The following PKNOX2 variants were observed in gnomAD, a reference collection of about 807,000 sequenced individuals.
The protein encoded by PKNOX2 is homeobox protein PKNOX2.
PKNOX2 carries 14 observed loss-of-function variants against 53.1 expected under a neutral mutation model. The observed-to-expected ratio is 0.26, with a 90% CI of 0.17 to 0.41. The LOEUF (loss-of-function observed/expected upper bound fraction) is 0.41. PKNOX2 is among the 10% of genes least tolerant of loss of function. The pLI, the probability that PKNOX2 is intolerant of heterozygous loss-of-function variation, is 1.00. For missense variants in PKNOX2, 496 were observed against 602.8 expected, an observed-to-expected ratio of 0.82 and a Z score of 1.85; for synonymous variants, 257 against 242.8, an observed-to-expected ratio of 1.06 and a Z score of -0.54.
At chr11:125,270,318 G>A (rs948308647) in intron 2 of PKNOX2, among the ~76,000 whole-genome samples, 3 of 152,198 alleles carry the variant, frequency 2.0e-5, no homozygotes, top group African/African-American at 7.2e-5. Flanking sequence ...CCCTCTGCAG[G>A]TGGGTGAATG....
chr11:125,346,817 G>A (rs988818920), intron 3 of PKNOX2, among the ~76,000 whole-genome samples: 1 of 127,624 alleles, frequency 7.8e-6, no homozygotes, highest in African/African-American at 4.3e-5. Flanking sequence ...GAGGATGGAA[G>A]GGGGGAAGGA....
chr11:125,245,869 G>A (rs1453864524), intron 2 of PKNOX2, among the ~76,000 whole-genome samples: 4 of 152,242 alleles, frequency 2.6e-5, no homozygotes, highest in African/African-American at 9.6e-5. Context: ...TACTGGGAGG[G>A]AAGTGATGCC....
intron 6 of PKNOX2, among the ~76,000 whole-genome samples, chr11:125,386,809 C>T (rs930583665): frequency 2.0e-5 from 3 of 151,746 alleles, no homozygotes; most frequent in Admixed American, 2.0e-4. Context: ...GAATTATCCA[C>T]ACCACCGCTT....
At chr11:125,229,668 T>A (rs532806448) in intron 1 of PKNOX2, among the ~76,000 whole-genome samples, 14 of 151,556 alleles carry the variant, frequency 9.2e-5, no homozygotes, top group Non-Finnish European at 1.5e-4. Flanking sequence ...ACAAGGAGAG[T>A]TGGGTTAATG....
intron 2 of PKNOX2, chr11:125,239,549 CT>C (rs1204525714): frequency 6.6e-6 from 1 of 152,220 alleles, no homozygotes; most frequent in Non-Finnish European, 1.5e-5. Flanking sequence ...ATGTGAAACA[CT>C]TTGGATCTTC....
chr11:125,353,214 G>T (rs908443996), intron 4 of PKNOX2, among the ~76,000 whole-genome samples: 3 of 152,154 alleles, frequency 2.0e-5, no homozygotes, highest in Admixed American at 2.0e-4. Context: ...AGCTGCCAAG[G>T]CCCACACCTC....
At chr11:125,346,211 G>A (rs1950962722) in intron 3 of PKNOX2, among the ~76,000 whole-genome samples, 1 of 151,966 alleles carries the variant, frequency 6.6e-6, no homozygotes, top group Non-Finnish European at 1.5e-5. Context: ...GTAACCTGGG[G>A]GCGTCTGGGC....
chr11:125,296,291 G>A (rs1427291931), intron 2 of PKNOX2, among the ~76,000 whole-genome samples: 1 of 152,058 alleles, frequency 6.6e-6, no homozygotes, highest in Non-Finnish European at 1.5e-5. Context: ...CATTGAGAAT[G>A]AACACTCAAA....
intron 6 of PKNOX2, 70 bp from the exon 7 acceptor site, chr11:125,397,804 G>T (rs1255819283): frequency 2.7e-6 from 4 of 1,491,358 alleles, no homozygotes; most frequent in Non-Finnish European, 3.6e-6. Flanking sequence ...GGGTGGTGGG[G>T]GCTGGGGGTC....
At chr11:125,280,127 A>G (rs544600949) in intron 2 of PKNOX2, among the ~76,000 whole-genome samples, 61 of 145,388 alleles carry the variant, frequency 4.2e-4, no homozygotes, top group Admixed American at 2.6e-3. Context: ...TTTAACCAGC[A>G]TGCAGTGGGG....
intron 9 of PKNOX2, 132 bp from the exon 10 acceptor site, chr11:125,411,614 G>A: frequency 6.9e-7 from 1 of 1,444,472 alleles, no homozygotes; most frequent in Non-Finnish European, 9.6e-7. Flanking sequence ...AGGGAAAGGT[G>A]ACCTCCCCAG....
At chr11:125,236,903 T>G (rs1170011741) in intron 2 of PKNOX2, among the ~76,000 whole-genome samples, 1 of 152,224 alleles carries the variant, frequency 6.6e-6, no homozygotes, top group Non-Finnish European at 1.5e-5. Context: ...TATTCCAAGT[T>G]AATTCCAATG....
chr11:125,275,457 G>A (rs1946091710), intron 2 of PKNOX2, among the ~76,000 whole-genome samples: 1 of 152,170 alleles, frequency 6.6e-6, no homozygotes, highest in Non-Finnish European at 1.5e-5. Flanking sequence ...TCTTGGATAA[G>A]CCATGAGGAC....
chr11:125,384,904 G>A (rs1204840751), intron 5 of PKNOX2, among the ~76,000 whole-genome samples: 1 of 152,182 alleles, frequency 6.6e-6, no homozygotes, highest in Non-Finnish European at 1.5e-5. Flanking sequence ...GAAACAGTGA[G>A]CAAATGATTT....
chr11:125,299,858 G>C (rs1947916999), intron 2 of PKNOX2, among the ~76,000 whole-genome samples: 1 of 152,196 alleles, frequency 6.6e-6, no homozygotes, highest in African/African-American at 2.4e-5. Context: ...CTTCCCAAAA[G>C]CTGTGGAACA....
chr11:125,360,452 G>A (rs1951864148), intron 4 of PKNOX2, among the ~76,000 whole-genome samples: 1 of 152,198 alleles, frequency 6.6e-6, no homozygotes. Flanking sequence ...GTAGCCCTGG[G>A]AAGAGATATT....
intron 2 of PKNOX2, among the ~76,000 whole-genome samples, chr11:125,294,305 C>T (rs1364653297): frequency 6.6e-6 from 1 of 152,124 alleles, no homozygotes; most frequent in South Asian, 2.1e-4. Context: ...GAGGTAAGCC[C>T]CCCCATCTTA....
At chr11:125,344,513 G>A (rs1396806155) in intron 3 of PKNOX2, among the ~76,000 whole-genome samples, 1 of 152,208 alleles carries the variant, frequency 6.6e-6, no homozygotes, top group Non-Finnish European at 1.5e-5. Flanking sequence ...CTCTTAGGGA[G>A]TCAGAAGCAG....
intron 7 of PKNOX2, among the ~76,000 whole-genome samples, chr11:125,401,536 C>A (rs1954749161): frequency 6.6e-6 from 1 of 152,180 alleles, no homozygotes; most frequent in Non-Finnish European, 1.5e-5. Flanking sequence ...TGCTCTCCTG[C>A]CTTCTCTGGC....
Sources: allele counts gnomAD v4.1 joint callset (sites outside exome capture counted in the v4.1 genomes callset), GRCh38; gene constraint gnomAD v4.1.1; transcripts MANE v1.5; gene names NCBI Gene and HGNC (gene_info 2026-07-23, HGNC 2026-07-21).